Variants in SPOCK3 observed in about 807,000 individuals in gnomAD.
The protein encoded by SPOCK3 is SPARC (osteonectin), cwcv and kazal like domains proteoglycan 3.
In SPOCK3, 30 loss-of-function variants were observed where a neutral mutation model predicts 56.6. The ratio of observed to expected loss-of-function variants is 0.53; its 90% CI spans 0.40 to 0.72. SPOCK3 has a LOEUF of 0.72. SPOCK3 is among the 30% of genes least tolerant of loss of function. The pLI is 0.00. For missense variants in SPOCK3, 527 were observed against 530.0 expected, an observed-to-expected ratio of 0.99 and a Z score of 0.06; for synonymous variants, 196 against 183.3, an observed-to-expected ratio of 1.07 and a Z score of -0.56.
At position 166,808,446 on chromosome 4, in the gene SPOCK3, TTCTCTC is replaced by T. The variant is rs149320907; in HGVS notation, c.590-16163_590-16158del. 3.6e-3 allele frequency among the ~76,000 whole-genome samples: 533 copies of T among 147,148 alleles called. 3 individuals carry two copies. Among genetic ancestry groups the T allele is most frequent in the African/African-American group, 0.012 (498 of 40,084 alleles). ...ACTGTGGGTTCACACAAAGAAGAAA[TTCTCTC>T]TCTCTCTCTCTCTCTCTCTGCCATG... is the stretch of plus-strand genomic sequence containing the variant. On this transcript the variant is annotated intron_variant, in intron 6 of 10. Coordinates refer to ENST00000357545, the MANE Select transcript of SPOCK3 (RefSeq NM_001040159.2).
chr4:166,791,012 C>A (rs548063555), intron 7 of SPOCK3, among the ~76,000 whole-genome samples: 1 of 152,074 alleles, frequency 6.6e-6, no homozygotes, highest in African/African-American at 2.4e-5. Flanking sequence ...TTTACATTTG[C>A]CAAAAAATTA....
chr4:166,947,288 G>T (rs897583166), intron 4 of SPOCK3, among the ~76,000 whole-genome samples: 18 of 152,046 alleles, frequency 1.2e-4, no homozygotes, highest in African/African-American at 3.9e-4. Context: ...TATATTTATA[G>T]TTTAACATAC....
At chr4:166,994,259 T>G (rs1579934209) in intron 4 of SPOCK3, among the ~76,000 whole-genome samples, 1 of 152,132 alleles carries the variant, frequency 6.6e-6, no homozygotes, top group East Asian at 1.9e-4. Context: ...GTTCTAATTG[T>G]TTTTGCACAT....
rs554767463 is a variant in SPOCK3, at chr4:167,194,267, T to C, written c.189+39718A>G. On this transcript the variant is annotated intron_variant, in intron 2 of 10. Coordinates refer to ENST00000357545, the MANE Select transcript of SPOCK3 (RefSeq NM_001040159.2). ...TTTATGTTTGGTTCTTTCTTACACTTTCTATTTTTGTATGAGACTTCTTAT... is the reference window on the plus strand; with the variant it reads ...TTTATGTTTGGTTCTTTCTTACACTCTCTATTTTTGTATGAGACTTCTTAT... Among the ~76,000 whole-genome samples, 30 of 119,810 alleles carry C rather than the reference T, an allele frequency of 2.5e-4. 5 individuals are homozygous for C. Among genetic ancestry groups the C allele is most frequent in the African/African-American group, 1.1e-3 (30 of 27,982 alleles). 78.6% of individuals were successfully genotyped at this position (119,810 alleles called of 152,430 possible). A position where few individuals can be genotyped will look rare whatever the true frequency, so the allele number is the denominator to read the frequency against.
intron 3 of SPOCK3, among the ~76,000 whole-genome samples, chr4:167,025,874 T>C (rs530747023): frequency 6.6e-6 from 1 of 152,204 alleles, no homozygotes; most frequent in African/African-American, 2.4e-5. Context: ...ACCTAAATGG[T>C]ACAGTCTACT....
At chr4:166,975,300 C>T (rs957316532) in intron 4 of SPOCK3, among the ~76,000 whole-genome samples, 5 of 152,224 alleles carry the variant, frequency 3.3e-5, no homozygotes, top group East Asian at 1.9e-4. Flanking sequence ...TCATGCTATA[C>T]CTTTATCAAA....
At chr4:167,203,766 A>C (rs528500948) in intron 2 of SPOCK3, among the ~76,000 whole-genome samples, 2 of 151,998 alleles carry the variant, frequency 1.3e-5, no homozygotes, top group East Asian at 1.9e-4. Flanking sequence ...TGAGAAATGA[A>C]ATAACCAATC....
chr4:167,120,735 C>G (rs1353548528), intron 2 of SPOCK3, among the ~76,000 whole-genome samples: 2 of 151,978 alleles, frequency 1.3e-5, no homozygotes, highest in African/African-American at 4.8e-5. Flanking sequence ...ATTATAACTT[C>G]ATTCATTTTA....
At chr4:166,963,553 TA>T (rs1744382536) in intron 4 of SPOCK3, among the ~76,000 whole-genome samples, 1 of 151,960 alleles carries the variant, frequency 6.6e-6, no homozygotes, top group Non-Finnish European at 1.5e-5. Context: ...AAGTCTTTGG[TA>T]TTAAAATTCA....
chr4:166,930,564 A>G (rs1391919637), intron 4 of SPOCK3, among the ~76,000 whole-genome samples: 1 of 152,192 alleles, frequency 6.6e-6, no homozygotes, highest in Non-Finnish European at 1.5e-5. Context: ...TAAAAATGAG[A>G]AAAAAGCAAC....
At chr4:167,188,907 A>C (rs1732244109) in intron 2 of SPOCK3, among the ~76,000 whole-genome samples, 1 of 146,588 alleles carries the variant, frequency 6.8e-6, no homozygotes, top group Non-Finnish European at 1.5e-5. Context: ...GAAAAGAGGT[A>C]ACCTGAATAG....
chr4:167,022,984 G>T (rs1393172476), intron 3 of SPOCK3, among the ~76,000 whole-genome samples: 2 of 151,960 alleles, frequency 1.3e-5, no homozygotes, highest in African/African-American at 4.8e-5. Context: ...AGTCCCCAAG[G>T]TCTTTCCTCC....
chr4:166,744,744 G>T (rs1735345475), intron 8 of SPOCK3, among the ~76,000 whole-genome samples: 3 of 152,104 alleles, frequency 2.0e-5, no homozygotes, highest in Non-Finnish European at 2.9e-5. Flanking sequence ...TTTGAAAAAA[G>T]ATTAGACAAA....
intron 3 of SPOCK3, among the ~76,000 whole-genome samples, chr4:167,060,293 G>GAA (rs35693019): frequency 3.7e-4 from 47 of 128,726 alleles, no homozygotes; most frequent in African/African-American, 1.1e-3. Context: ...ACCAGGCACA[G>GAA]AAAAAAAAAA....
At chr4:167,139,566 A>G (rs1271530863) in intron 2 of SPOCK3, among the ~76,000 whole-genome samples, 3 of 152,046 alleles carry the variant, frequency 2.0e-5, no homozygotes, top group East Asian at 1.9e-4. Context: ...TATTTTCAAT[A>G]TATAAAAGTG....
intron 4 of SPOCK3, among the ~76,000 whole-genome samples, chr4:166,932,421 T>A (rs1456560411): frequency 6.6e-6 from 1 of 152,156 alleles, no homozygotes; most frequent in Non-Finnish European, 1.5e-5. Flanking sequence ...AGACCAAGTA[T>A]TTATCCTGGT....
intron 9 of SPOCK3, among the ~76,000 whole-genome samples, chr4:166,741,577 C>T (rs1339059970): frequency 1.3e-5 from 2 of 151,892 alleles, no homozygotes; most frequent in Admixed American, 6.6e-5. Flanking sequence ...TGAAAAATAC[C>T]AACAAGTCTA....
At chr4:167,205,736 C>T (rs913427507) in intron 2 of SPOCK3, among the ~76,000 whole-genome samples, 13 of 146,588 alleles carry the variant, frequency 8.9e-5, no homozygotes, top group Admixed American at 7.9e-4. Context: ...CCTCAGCCTC[C>T]GGAGTAGCTG....
chr4:167,150,483 A>T (rs576375727), intron 2 of SPOCK3, among the ~76,000 whole-genome samples: 2 of 152,204 alleles, frequency 1.3e-5, no homozygotes, highest in South Asian at 2.1e-4. Context: ...TCAGAGGAAG[A>T]GATATCCTGA....
Sources: allele counts gnomAD v4.1 joint callset (sites outside exome capture counted in the v4.1 genomes callset), GRCh38; gene constraint gnomAD v4.1.1; transcripts MANE v1.5; gene names NCBI Gene and HGNC (gene_info 2026-07-23, HGNC 2026-07-21).